Variants in TENM4 observed in about 807,000 individuals in gnomAD.
TENM4 encodes teneurin-4.
Under a neutral mutation model 243.3 loss-of-function variants are expected in TENM4, and 82 were observed. The observed-to-expected ratio is 0.34, with a 90% confidence interval of 0.28 to 0.40. The LOEUF (loss-of-function observed/expected upper bound fraction) is 0.40. TENM4 is among the 10% of genes least tolerant of loss of function. The probability of loss-of-function intolerance (pLI) is 1.00; values close to 1 mark genes in which losing one functional copy is unlikely to be tolerated. For synonymous variants in TENM4, 1,412 were observed against 1,456.3 expected, an observed-to-expected ratio of 0.97 and a Z score of 0.69; for missense variants, 3,138 against 3,673.3, an observed-to-expected ratio of 0.85 and a Z score of 3.77.
chr11:79,194,504 G>C (rs905413838), intron 3 of TENM4, among the ~76,000 whole-genome samples: 1 of 152,072 alleles, frequency 6.6e-6, no homozygotes, highest in Non-Finnish European at 1.5e-5. Flanking sequence ...AGGCTGAGGT[G>C]GTCTCCAGTG....
At chr11:79,072,348 A>C (rs1184150623) in intron 4 of TENM4, among the ~76,000 whole-genome samples, 1 of 152,132 alleles carries the variant, frequency 6.6e-6, no homozygotes, top group East Asian at 1.9e-4. Flanking sequence ...TTAGCCAGGC[A>C]TGGTGGCACA....
At chr11:79,346,278 C>G (rs1448030595) in intron 1 of TENM4, among the ~76,000 whole-genome samples, 1 of 152,174 alleles carries the variant, frequency 6.6e-6, no homozygotes, top group African/African-American at 2.4e-5. Context: ...GTCAGCCGGA[C>G]AGTACCTCAG....
chr11:79,105,369 AG>A (rs1189377155), intron 4 of TENM4, among the ~76,000 whole-genome samples: 3 of 152,220 alleles, frequency 2.0e-5, no homozygotes, highest in Non-Finnish European at 4.4e-5. Context: ...ACAGGAACAA[AG>A]GATGTGTGGA....
At chr11:79,070,040 G>C in intron 4 of TENM4, 31 bp from the exon 5 acceptor site, 3 of 1,472,574 alleles carry the variant, frequency 2.0e-6, no homozygotes, top group Non-Finnish European at 2.7e-6. Flanking sequence ...GATAGGGCGT[G>C]AGAGGCAGAG....
At chr11:78,949,181 T>G (rs1243707632) in intron 6 of TENM4, among the ~76,000 whole-genome samples, 1 of 152,206 alleles carries the variant, frequency 6.6e-6, no homozygotes, top group African/African-American at 2.4e-5. Flanking sequence ...GAAAATGCCC[T>G]TACCAAAGTC....
At chr11:78,683,651 G>T (rs1017367606) in intron 29 of TENM4, among the ~76,000 whole-genome samples, 1 of 142,078 alleles carries the variant, frequency 7.0e-6, no homozygotes, top group South Asian at 2.3e-4. Context: ...CACGGTGCGC[G>T]CACACACTGG....
At chr11:79,173,232 G>A (rs1299044836) in intron 3 of TENM4, among the ~76,000 whole-genome samples, 1 of 152,184 alleles carries the variant, frequency 6.6e-6, no homozygotes, top group Non-Finnish European at 1.5e-5. Flanking sequence ...TGTCACCGTT[G>A]GAAGGAAAAC....
chr11:79,357,283 C>T (rs1256976431), intron 1 of TENM4, among the ~76,000 whole-genome samples: 2 of 152,202 alleles, frequency 1.3e-5, no homozygotes, highest in African/African-American at 4.8e-5. Flanking sequence ...TTTAGGTTGT[C>T]CCCAAAGATG....
At chr11:78,666,057 T>C (rs1858150549) in intron 32 of TENM4, among the ~76,000 whole-genome samples, 1 of 151,918 alleles carries the variant, frequency 6.6e-6, no homozygotes, top group Non-Finnish European at 1.5e-5. Context: ...AAAGAATTTT[T>C]TTTTTGTTGT....
chr11:78,963,135 T>G (rs1238859264), intron 6 of TENM4, among the ~76,000 whole-genome samples: 1 of 152,252 alleles, frequency 6.6e-6, no homozygotes, highest in East Asian at 1.9e-4. Flanking sequence ...ATTCTTAAGT[T>G]CTGATGTTCA....
At chr11:79,299,077 CACACACACAT>C (rs936806490) in intron 1 of TENM4, among the ~76,000 whole-genome samples, 1 of 151,908 alleles carries the variant, frequency 6.6e-6, no homozygotes, top group African/African-American at 2.4e-5. Context: ...CACACACACA[CACACACACAT>C]ACACACACAC....
intron 15 of TENM4, among the ~76,000 whole-genome samples, chr11:78,788,791 T>G (rs1856992317): frequency 6.6e-6 from 1 of 152,214 alleles, no homozygotes; most frequent in African/African-American, 2.4e-5. Flanking sequence ...GGGAGGTCAC[T>G]TCCTCTCTTC....
chr11:78,775,096 C>A (rs1792137), intron 17 of TENM4, among the ~76,000 whole-genome samples: 80,164 of 152,066 alleles, frequency 0.53, 24,193 homozygotes, highest in Non-Finnish European at 0.69. Context: ...GAAAGTCACA[C>A]TGAATATCAA....
At chr11:78,850,267 C>A (rs1858504925) in intron 12 of TENM4, among the ~76,000 whole-genome samples, 1 of 152,122 alleles carries the variant, frequency 6.6e-6, no homozygotes, top group African/African-American at 2.4e-5. Flanking sequence ...ACAATATAGC[C>A]ATTTGTGAAA....
chr11:78,703,887 T>C (rs938189441), intron 27 of TENM4, among the ~76,000 whole-genome samples: 3 of 151,590 alleles, frequency 2.0e-5, no homozygotes, highest in Admixed American at 6.6e-5. Flanking sequence ...GGTCTCACTC[T>C]GTCACCCGGG....
chr11:79,058,622 A>G (rs1860005832), intron 6 of TENM4, among the ~76,000 whole-genome samples: 1 of 152,144 alleles, frequency 6.6e-6, no homozygotes, highest in South Asian at 2.1e-4. Flanking sequence ...TCTGACATTT[A>G]CTAGCTATGC....
chr11:78,953,682 A>G (rs1857151929), intron 6 of TENM4, among the ~76,000 whole-genome samples: 1 of 152,242 alleles, frequency 6.6e-6, no homozygotes, highest in Non-Finnish European at 1.5e-5. Flanking sequence ...TATAAGTAAT[A>G]TAGAGATGAT....
chr11:78,934,376 A>G (rs1247213130), intron 6 of TENM4, among the ~76,000 whole-genome samples: 12 of 147,792 alleles, frequency 8.1e-5, no homozygotes, highest in Non-Finnish European at 1.5e-5. Flanking sequence ...TTGTTTTGCT[A>G]TGTGATGAGC....
intron 6 of TENM4, among the ~76,000 whole-genome samples, chr11:79,048,233 G>A (rs1039643950): frequency 6.6e-6 from 1 of 152,130 alleles, no homozygotes; most frequent in Non-Finnish European, 1.5e-5. Flanking sequence ...ACAAAAATAA[G>A]GTCACTCTAC....
Sources: gnomAD v4.1 joint callset for allele counts (sites outside exome capture counted in the v4.1 genomes callset) on GRCh38, gnomAD v4.1.1 for gene constraint, MANE v1.5 for transcripts, NCBI Gene and HGNC (gene_info 2026-07-23, HGNC 2026-07-21) for gene names.